Variants in MAP2K5 observed in about 807,000 individuals in gnomAD.
MAP2K5 encodes mitogen-activated protein kinase kinase 5.
Under a neutral mutation model 83.1 loss-of-function variants are expected in MAP2K5, and 49 were observed. The observed-to-expected ratio is 0.59, with a 90% CI of 0.47 to 0.75. MAP2K5 has a LOEUF of 0.75. Among genes scored for constraint, MAP2K5 ranks in the 30% least tolerant of loss-of-function variants. The pLI, the probability that MAP2K5 is intolerant of heterozygous loss-of-function variation, is 0.00. For missense variants in MAP2K5, 457 were observed against 557.5 expected (o/e 0.82, Z 1.82); for synonymous variants, 202 against 191.8 (o/e 1.05, Z -0.44).
chr15:67,606,969 A>G (rs1391087664), intron 8 of MAP2K5, among the ~76,000 whole-genome samples: 1 of 152,194 alleles, frequency 6.6e-6, no homozygotes, highest in Non-Finnish European at 1.5e-5. Flanking sequence ...TGTGAAACTT[A>G]AAGAGGGAGC....
intron 17 of MAP2K5, among the ~76,000 whole-genome samples, chr15:67,739,279 CAAAAAA>C (rs59837680): frequency 1.3e-5 from 1 of 78,778 alleles, no homozygotes; most frequent in Non-Finnish European, 2.6e-5. Context: ...GACCCTGTCT[CAAAAAA>C]AAAAAAAAAA....
At position 67,637,536 on chromosome 15, in the gene MAP2K5, C is replaced by A. The variant is rs986461910; in HGVS notation, c.585+6609C>A. On this transcript the variant is annotated intron_variant, in intron 9 of 21. Coordinates refer to ENST00000178640, the MANE Select transcript of MAP2K5 (RefSeq NM_145160.3). This position sits in a 1 kb window ranked among gnomAD's most constrained non-coding sequence, Gnocchi z 4.5. ...TCTTGCCCAGTATTAATCTGGAGAT[C>A]GTTTCTTCTGAGCCTTTCTAGTGGT... Among the ~76,000 whole-genome samples the A allele has an allele frequency of 6.6e-6, 1 of 152,090 alleles. No individual in the cohort carries two copies. Among genetic ancestry groups the A allele is most frequent in the East Asian group, 1.9e-4 (1 of 5,180 alleles).
rs1236955165 is a variant in MAP2K5 at position 67,640,783 on chromosome 15, C to T, written c.586-5448C>T. Among the ~76,000 whole-genome samples the T allele has an allele frequency of 6.6e-6, 1 of 151,976 alleles. No homozygotes were observed. Among genetic ancestry groups the T allele is most frequent in the East Asian group, 1.9e-4 (1 of 5,188 alleles). ...TGTAAATGTTTCCCTTTTTAGACTTCTGAGGTAGGAATATATTACAAGATA... is the reference window on the plus strand; with the variant it reads ...TGTAAATGTTTCCCTTTTTAGACTTTTGAGGTAGGAATATATTACAAGATA... On this transcript the variant is annotated intron_variant, in intron 9 of 21. Transcript: ENST00000178640. This position sits in a 1 kb window ranked among gnomAD's most constrained non-coding sequence, Gnocchi z 4.6.
intron 16 of MAP2K5, among the ~76,000 whole-genome samples, chr15:67,726,433 A>G (rs2089098024): frequency 2.0e-5 from 3 of 152,252 alleles, no homozygotes; most frequent in Non-Finnish European, 4.4e-5. Context: ...AATTTACATG[A>G]TGAACAAGCT....
intron 8 of MAP2K5, among the ~76,000 whole-genome samples, chr15:67,615,567 C>G (rs917035879): frequency 3.3e-5 from 5 of 151,998 alleles, no homozygotes; most frequent in African/African-American, 1.2e-4. Flanking sequence ...TAGTATGTGA[C>G]AGAATACTAA....
intron 17 of MAP2K5, among the ~76,000 whole-genome samples, chr15:67,740,569 A>T (rs1233065174): frequency 2.0e-5 from 3 of 151,888 alleles, no homozygotes; most frequent in Non-Finnish European, 4.4e-5. Context: ...CCCCATCTTG[A>T]GCAATAGAGT....
intron 14 of MAP2K5, among the ~76,000 whole-genome samples, chr15:67,692,933 T>G (rs1369544746): frequency 6.6e-6 from 1 of 152,134 alleles, no homozygotes; most frequent in Non-Finnish European, 1.5e-5. Flanking sequence ...TGGAGGGCCA[T>G]TACAATGTGC....
In MAP2K5 at chr15:67,676,782, T is replaced by TG. The variant is rs2087693755; in HGVS notation, c.847+12138dup. The stretch of plus-strand genomic sequence containing the variant: ...CAAGGCTCAAGCAGCCTAAAAAACT[T>TG]GCTTAGTTATAGGAAAAGTCATAGG... On this transcript the variant is annotated intron_variant, in intron 13 of 21. Coordinates refer to ENST00000178640, the MANE Select transcript of MAP2K5 (RefSeq NM_145160.3). The surrounding 1 kb of genome is among the most constrained non-coding windows in gnomAD (Gnocchi z 4.8). Among the ~76,000 whole-genome samples the TG allele has an allele frequency of 3.3e-5, 5 of 152,154 alleles. No homozygotes were observed. Among genetic ancestry groups the TG allele is most frequent in the Admixed American group, 3.3e-4 (5 of 15,262 alleles).
At position 67,638,020 on chromosome 15, in the gene MAP2K5, T is replaced by A. The variant is rs890934398; in HGVS notation, c.585+7093T>A. On this transcript the variant is annotated intron_variant, in intron 9 of 21. Transcript: ENST00000178640. This position sits in a 1 kb window ranked among gnomAD's most constrained non-coding sequence, Gnocchi z 4.5. ...AATTTAACTTTTTTTAACTTTTTTT[T>A]ACTTTTAATTTTTTAAAAATTAAAA... is the stretch of plus-strand genomic sequence containing the variant. Among the ~76,000 whole-genome samples, 7 of 152,016 alleles carry A rather than the reference T, an allele frequency of 4.6e-5. No individual in the cohort carries two copies. The highest frequency in any genetic ancestry group is 8.8e-5 in the Non-Finnish European group (6 of 68,008).
rs2089881925 is a variant in MAP2K5 at position 67,758,383 on chromosome 15, AAG to A, written c.1134+9787_1134+9788del. ...ACTCTCCTGAGATGGGGCACACGGA[AAG>A]AGAGGCATTTTCAAGGGATGAGATG... On this transcript the variant is annotated intron_variant, in intron 19 of 21. Transcript: ENST00000178640. The surrounding 1 kb of genome is among the most constrained non-coding windows in gnomAD (Gnocchi z 4.7). 6.6e-6 allele frequency among the ~76,000 whole-genome samples: 1 copy of A among 152,016 alleles called. No individual in the cohort carries two copies. The highest frequency in any genetic ancestry group is 6.5e-5 in the Admixed American group (1 of 15,276).
rs2086635269 is a variant in MAP2K5, at chr15:67,637,830, AG to A, written c.585+6906del. On this transcript the variant is annotated intron_variant, in intron 9 of 21. Transcript: ENST00000178640. This position sits in a 1 kb window ranked among gnomAD's most constrained non-coding sequence, Gnocchi z 4.5. ...TCTGGTCAGCAAGCTGGGCAATCAT[AG>A]GGCTCATCTCATTTGTTTTCCATCT... Among the ~76,000 whole-genome samples the A allele has an allele frequency of 6.6e-6, 1 of 151,954 alleles. No homozygotes were observed. Among genetic ancestry groups the A allele is most frequent in the African/African-American group, 2.4e-5 (1 of 41,354 alleles).
chr15:67,648,477 T>C (rs1004334410), intron 11 of MAP2K5, among the ~76,000 whole-genome samples: 2 of 152,228 alleles, frequency 1.3e-5, no homozygotes, highest in African/African-American at 4.8e-5. Flanking sequence ...CTTTCATTAG[T>C]TGATGGACAT....
chr15:67,673,711 A>G (rs1167171679), intron 13 of MAP2K5, among the ~76,000 whole-genome samples: 1 of 152,228 alleles, frequency 6.6e-6, no homozygotes, highest in Non-Finnish European at 1.5e-5. Context: ...TGATTTATTA[A>G]AAGATAATTT....
chr15:67,739,527 C>A, intron 17 of MAP2K5, among the ~76,000 whole-genome samples: 1 of 118,036 alleles, frequency 8.5e-6, no homozygotes, highest in Non-Finnish European at 1.6e-5. Flanking sequence ...GTTGCCCAGG[C>A]TGGAGTGCAG....
rs1469780933 is a variant in MAP2K5 at position 67,738,585 on chromosome 15, T to C, written c.1075-9646T>C. Among the ~76,000 whole-genome samples, 1 of 152,196 alleles carries C rather than the reference T, an allele frequency of 6.6e-6. No homozygotes were observed. Among genetic ancestry groups the C allele is most frequent in the Non-Finnish European group, 1.5e-5 (1 of 68,034 alleles). ...ATTAGTTGCTTGACCTTCTTTCTTT[T>C]TGGACTTCAGCCTCCTCACCTGGAA... On this transcript the variant is annotated intron_variant, in intron 17 of 21. Coordinates refer to ENST00000178640, the MANE Select transcript of MAP2K5 (RefSeq NM_145160.3). The surrounding 1 kb of genome is among the most constrained non-coding windows in gnomAD (Gnocchi z 4.1).
In MAP2K5 at chr15:67,723,296, A is replaced by G. The variant is rs1037873037; in HGVS notation, c.1045-4620A>G. Among the ~76,000 whole-genome samples, 15 of 152,330 alleles carry G rather than the reference A, an allele frequency of 9.8e-5. No individual in the cohort carries two copies. In the East Asian group the frequency reaches 2.7e-3, roughly 27 times the overall value. ...TTCACGCACAGGCACACATACAAAT[A>G]TATTTGTTATTTAAATTATAAAATC... is the stretch of plus-strand genomic sequence containing the variant. On this transcript the variant is annotated intron_variant, in intron 16 of 21. Coordinates refer to ENST00000178640, the MANE Select transcript of MAP2K5 (RefSeq NM_145160.3).
At chr15:67,574,470 G>C (rs1332521920) in intron 3 of MAP2K5, among the ~76,000 whole-genome samples, 1 of 151,998 alleles carries the variant, frequency 6.6e-6, no homozygotes, top group Non-Finnish European at 1.5e-5. Flanking sequence ...TACTCGGGAG[G>C]CTGAGGCAGG....
chr15:67,556,220 T>C (rs1241651625), intron 2 of MAP2K5, among the ~76,000 whole-genome samples: 1 of 152,262 alleles, frequency 6.6e-6, no homozygotes, highest in South Asian at 2.1e-4. Context: ...GTTACAAATG[T>C]TTTTGTTCAG....
In MAP2K5 at chr15:67,658,559, C is replaced by T; in HGVS notation, c.743C>T (p.Ser248Phe). 6.2e-7 allele frequency: 1 copy of T among 1,611,660 alleles called. No homozygotes were observed. The highest frequency in any genetic ancestry group is 8.5e-7 in the Non-Finnish European group (1 of 1,178,146). The change falls in exon 12 of 22, where the codon TCT becomes TTT. Residue 248 changes from serine (S) to phenylalanine (F), a missense_variant. By Grantham distance (155) the Ser-to-Phe change is radical (BLOSUM62 -2). Transcript: ENST00000178640. ...SICTEFMDGG[S>F]LDVYRKMPEH... ...GGCATGTTTATCTCTACAGGGGGAT[C>T]TTTGGATGTATATAGGAAAATGCCA...
Sources: allele counts gnomAD v4.1 joint callset (sites outside exome capture counted in the v4.1 genomes callset), GRCh38; gene constraint gnomAD v4.1.1; non-coding constraint Gnocchi (gnomAD v3.1); transcripts MANE v1.5; gene names NCBI Gene and HGNC (gene_info 2026-07-23, HGNC 2026-07-21).